Variants in JCAD observed in about 807,000 individuals in gnomAD.
JCAD encodes the protein junctional cadherin 5 associated.
In JCAD, 40 loss-of-function variants were observed where a neutral mutation model predicts 98.0. The observed-to-expected ratio is 0.41, with a 90% CI of 0.32 to 0.53. The LOEUF (loss-of-function observed/expected upper bound fraction) is 0.53. Among genes scored for constraint, JCAD ranks in the 20% least tolerant of loss-of-function variants. JCAD has a pLI of 0.31. For missense variants in JCAD, 1,705 were observed against 1,738.1 expected, an observed-to-expected ratio of 0.98 and a Z score of 0.34; for synonymous variants, 691 against 682.3, an observed-to-expected ratio of 1.01 and a Z score of -0.20.
At chr10:30,093,628 A>G (rs74617604) in intron 1 of JCAD, among the ~76,000 whole-genome samples, 1 of 152,204 alleles carries the variant, frequency 6.6e-6, no homozygotes. Flanking sequence ...AGCCCCCCGC[A>G]TGTGGCTCTT....
chr10:30,075,477 T>A (rs1837965939), intron 1 of JCAD, among the ~76,000 whole-genome samples: 1 of 152,236 alleles, frequency 6.6e-6, no homozygotes, highest in Admixed American at 6.5e-5. Flanking sequence ...TTGGTACCAA[T>A]GATACAGGAT....
chr10:30,040,611 G>A (rs906648034), intron 2 of JCAD, among the ~76,000 whole-genome samples: 3 of 152,194 alleles, frequency 2.0e-5, no homozygotes, highest in Non-Finnish European at 2.9e-5. Context: ...GCCAAGATGA[G>A]GGCTGTGAGG....
At chr10:30,067,446 C>G (rs1425497471) in intron 2 of JCAD, among the ~76,000 whole-genome samples, 4 of 152,060 alleles carry the variant, frequency 2.6e-5, no homozygotes, top group Non-Finnish European at 4.4e-5. Context: ...CCTGCCTCAG[C>G]CTCCCTAGTA....
chr10:30,034,149 G>C (rs1837064282), intron 2 of JCAD, among the ~76,000 whole-genome samples: 1 of 151,942 alleles, frequency 6.6e-6, no homozygotes, highest in African/African-American at 2.4e-5. Context: ...CTTGAACCCG[G>C]GAGGAGGAGG....
chr10:30,068,868 C>G (rs990648891), intron 2 of JCAD, among the ~76,000 whole-genome samples: 3 of 152,234 alleles, frequency 2.0e-5, no homozygotes, highest in Non-Finnish European at 4.4e-5. Flanking sequence ...TAGGCTCTTT[C>G]CCTTGTCTCT....
At chr10:30,034,137 C>A (rs1430672952) in intron 2 of JCAD, among the ~76,000 whole-genome samples, 1 of 151,282 alleles carries the variant, frequency 6.6e-6, no homozygotes, top group Non-Finnish European at 1.5e-5. Context: ...GTGGGAGAAT[C>A]GCTTGAACCC....
At chr10:30,019,615 G>T (rs1189723070) in intron 3 of JCAD, among the ~76,000 whole-genome samples, 1 of 151,688 alleles carries the variant, frequency 6.6e-6, no homozygotes, top group African/African-American at 2.4e-5. Flanking sequence ...CAGGGGCTGG[G>T]GTGAAGGAAA....
At chr10:30,038,379 T>C (rs1217765327) in intron 2 of JCAD, among the ~76,000 whole-genome samples, 1 of 152,006 alleles carries the variant, frequency 6.6e-6, no homozygotes, top group Non-Finnish European at 1.5e-5. Flanking sequence ...CTGACCAACC[T>C]ACAGGTAGCG....
chr10:30,054,349 T>C (rs1837525803), intron 1 of JCAD, among the ~76,000 whole-genome samples: 1 of 152,162 alleles, frequency 6.6e-6, no homozygotes, highest in Admixed American at 6.5e-5. Flanking sequence ...TCTTATGATA[T>C]TCTGTCATGA....
chr10:30,027,235 GCTAC>G lies in JCAD; in HGVS notation c.2909_2912del (p.Gly970AlafsTer5). On this transcript the variant is annotated frameshift_variant, in exon 3 of 4. Coordinates refer to ENST00000375377, the MANE Select transcript of JCAD (RefSeq NM_020848.4). LOFTEE classifies it high-confidence loss of function. ...AAGACATTCTCGTCACAGGAAATGG[GCTAC>G]CTGCCAGCTCGTCCATTCCGTTGCT... 6.2e-7 allele frequency: 1 copy of G among 1,614,162 alleles called. No homozygotes were observed. Among genetic ancestry groups the G allele is most frequent in the South Asian group, 1.1e-5 (1 of 91,080 alleles).
rs1313407013 is a variant in JCAD, at chr10:30,047,660, A to G, written c.153T>C (p.Pro51=). The part of the protein sequence containing the change: ...QGLQNGHEDG[P]AALAHRKTSA... ...ACGTCTTACGATGTGCGAGGGCCGC[A>G]GGGCCATCCTCATGCCCGTTCTGCA... Residue 51 remains proline (P), a synonymous_variant, in exon 2 of 4, where the codon CCT becomes CCC. Coordinates refer to ENST00000375377, the MANE Select transcript of JCAD (RefSeq NM_020848.4). 1 of 1,614,176 alleles carries G rather than the reference A, an allele frequency of 6.2e-7. No homozygotes were observed. Among genetic ancestry groups the G allele is most frequent in the Admixed American group, 1.7e-5 (1 of 60,032 alleles).
At chr10:30,044,677 C>G (rs932271806) in intron 2 of JCAD, 16 of 187,708 alleles carry the variant, frequency 8.5e-5, no homozygotes, top group East Asian at 5.9e-4. Flanking sequence ...GCAGTATTGG[C>G]TTTTTTTTTT....
At chr10:30,030,423 G>A (rs1254454425) in intron 2 of JCAD, among the ~76,000 whole-genome samples, 4 of 152,128 alleles carry the variant, frequency 2.6e-5, no homozygotes, top group Admixed American at 1.3e-4. Flanking sequence ...CCCGGGCAGC[G>A]GTGAGACCCT....
chr10:30,067,628 A>G (rs1024669609), intron 2 of JCAD, among the ~76,000 whole-genome samples: 2 of 152,122 alleles, frequency 1.3e-5, no homozygotes, highest in African/African-American at 4.8e-5. Context: ...GCAACTGGCC[A>G]AGAACTATCT....
chr10:30,034,963 G>A (rs2487928), intron 2 of JCAD, among the ~76,000 whole-genome samples: 52,152 of 151,978 alleles, frequency 0.34, 10,732 homozygotes, highest in Non-Finnish European at 0.45. Flanking sequence ...ATGAAGCACC[G>A]TTCTCATTCC....
At chr10:30,084,569 T>G (rs1014711101) in intron 1 of JCAD, among the ~76,000 whole-genome samples, 9 of 152,186 alleles carry the variant, frequency 5.9e-5, no homozygotes, top group Non-Finnish European at 1.0e-4. Context: ...GAATTCCTCT[T>G]GCCTGACTGC....
chr10:30,115,252 A>G (rs1838771946), intron 1 of JCAD: 1 of 152,170 alleles, frequency 6.6e-6, no homozygotes, highest in Non-Finnish European at 1.5e-5. Flanking sequence ...AACTGTCACA[A>G]GCCCTGTTCA....
intron 2 of JCAD, among the ~76,000 whole-genome samples, chr10:30,034,921 T>G (rs1226486815): frequency 6.6e-6 from 1 of 152,218 alleles, no homozygotes; most frequent in Non-Finnish European, 1.5e-5. Flanking sequence ...CCCTCTTACC[T>G]CTGCTCTTAG....
chr10:30,039,729 T>C (rs1380890531), intron 2 of JCAD, among the ~76,000 whole-genome samples: 1 of 152,042 alleles, frequency 6.6e-6, no homozygotes, highest in Non-Finnish European at 1.5e-5. Context: ...GGGAGCAGTG[T>C]TGGAACGTTG....
Sources: gnomAD v4.1 joint callset for allele counts (sites outside exome capture counted in the v4.1 genomes callset) on GRCh38, gnomAD v4.1.1 for gene constraint, MANE v1.5 for transcripts, NCBI Gene and HGNC (gene_info 2026-07-23, HGNC 2026-07-21) for gene names.